Variants in RSPO1 observed in about 807,000 individuals in gnomAD.
RSPO1 encodes the protein R-spondin 1.
RSPO1 carries 18 observed loss-of-function variants against 26.0 expected under a neutral mutation model. That is an observed-to-expected ratio of 0.69 (90% CI 0.48 to 1.03). RSPO1 has a LOEUF of 1.03. Ranked by LOEUF, RSPO1 falls within the 50% of genes least tolerant of loss-of-function variation. RSPO1 has a pLI of 0.00. For synonymous variants in RSPO1, 133 were observed against 137.4 expected, an observed-to-expected ratio of 0.97 and a Z score of 0.22; for missense variants, 309 against 352.3, an observed-to-expected ratio of 0.88 and a Z score of 0.98.
rs113912835 is a variant in RSPO1, at chr1:37,620,067, A to T, written c.95-3392T>A. ...CTTGGCCTATTATGCACATTTTTAT[A>T]GATGAGGGAATGGAAAGGTAAATTA... On this transcript the variant is annotated intron_variant, in intron 3 of 6. Coordinates refer to ENST00000356545, the MANE Select transcript of RSPO1 (RefSeq NM_001242908.2). Among the ~76,000 whole-genome samples, 968 of 152,252 alleles carry T rather than the reference A, an allele frequency of 6.4e-3. 13 individuals carry two copies. Among genetic ancestry groups the T allele is most frequent in the African/African-American group, 0.022 (913 of 41,546 alleles).
chr1:37,617,661 CAAAAAA>C (rs34856591), intron 3 of RSPO1, among the ~76,000 whole-genome samples: 7 of 36,356 alleles, frequency 1.9e-4, no homozygotes, highest in Admixed American at 4.4e-4. Flanking sequence ...GACTCCATCT[CAAAAAA>C]AAAAAAAAAA....
At chr1:37,632,791 C>T (rs536309381) in intron 1 of RSPO1, among the ~76,000 whole-genome samples, 2 of 152,322 alleles carry the variant, frequency 1.3e-5, no homozygotes, top group South Asian at 4.1e-4. Context: ...ACCCCATATG[C>T]GCACACACAG....
At chr1:37,616,812 G>A (rs1644121186) in intron 3 of RSPO1, 137 bp from the exon 4 acceptor site, 2 of 840,430 alleles carry the variant, frequency 2.4e-6, no homozygotes, top group African/African-American at 1.7e-5. Flanking sequence ...CACCGGCCAG[G>A]CTGGCAGCTC....
chr1:37,614,458 A>G (rs1182086570), intron 4 of RSPO1, 125 bp from the exon 5 acceptor site: 13 of 1,049,788 alleles, frequency 1.2e-5, no homozygotes, highest in Non-Finnish European at 1.9e-5. Flanking sequence ...CCTGGCCTAG[A>G]GCTGCAGGTA....
chr1:37,618,338 GCA>G (rs1398882992), intron 3 of RSPO1, among the ~76,000 whole-genome samples: 1 of 152,192 alleles, frequency 6.6e-6, no homozygotes, highest in Non-Finnish European at 1.5e-5. Flanking sequence ...ACTCTCCTGT[GCA>G]CAGTGACTCT....
intron 3 of RSPO1, among the ~76,000 whole-genome samples, chr1:37,622,275 G>T (rs1471472926): frequency 2.0e-5 from 3 of 152,088 alleles, no homozygotes; most frequent in Admixed American, 2.0e-4. Flanking sequence ...TAGTTTTGGT[G>T]GGGTGGTGGG....
chr1:37,619,472 T>G (rs1644167166), intron 3 of RSPO1, among the ~76,000 whole-genome samples: 1 of 152,232 alleles, frequency 6.6e-6, no homozygotes, highest in Non-Finnish European at 1.5e-5. Context: ...GGACAACTGC[T>G]GGAGTGAGTC....
chr1:37,621,613 C>T (rs969106213), intron 3 of RSPO1, among the ~76,000 whole-genome samples: 3 of 151,658 alleles, frequency 2.0e-5, no homozygotes, highest in South Asian at 2.1e-4. Flanking sequence ...GGAGGGGGTT[C>T]GGGTGGGAAA....
chr1:37,630,928 TA>T (rs2148186435), intron 2 of RSPO1, among the ~76,000 whole-genome samples: 1 of 152,228 alleles, frequency 6.6e-6, no homozygotes, highest in South Asian at 2.1e-4. Context: ...CTCCAGTGGC[TA>T]GATGCCTTCG....
Position 37,613,557 on chromosome 1 carries a change from GACAGCATGAGGTCTTGA to G in RSPO1, c.625+130_625+146del. Reference sequence around the variant, plus strand: ...CTGCCAGGACATGGCATCTGGATTGGACAGCATGAGGTCTTGAGTTGCGGGTGCCCCATCTGGCCTTG... The same window carrying G: ...CTGCCAGGACATGGCATCTGGATTGGGTTGCGGGTGCCCCATCTGGCCTTG... On this transcript the variant is annotated intron_variant, in intron 6 of 6. Transcript: ENST00000356545. This position sits in a 1 kb window ranked among gnomAD's most constrained non-coding sequence, Gnocchi z 4.5. 1 of 702,080 alleles carries G rather than the reference GACAGCATGAGGTCTTGA, an allele frequency of 1.4e-6. No homozygotes were observed. The highest frequency in any genetic ancestry group is 2.6e-6 in the Non-Finnish European group (1 of 390,922). 43.5% of individuals were successfully genotyped at this position (702,080 alleles called of 1,614,324 possible). A position where few individuals can be genotyped will look rare whatever the true frequency, so the allele number is the denominator to read the frequency against.
In RSPO1 at chr1:37,612,477, G is replaced by A; in HGVS notation, c.*278C>T. 1.9e-6 allele frequency: 1 copy of A among 532,450 alleles called. No homozygotes were observed. The highest frequency in any genetic ancestry group is 3.2e-5 in the Admixed American group (1 of 31,228). The allele number at this position is 532,450 out of a possible 1,614,324, so 33.0% of individuals were successfully genotyped here. A position where few individuals can be genotyped will look rare whatever the true frequency, so the allele number is the denominator to read the frequency against. On this transcript the variant is annotated 3_prime_UTR_variant, in exon 7 of 7. Coordinates refer to ENST00000356545, the MANE Select transcript of RSPO1 (RefSeq NM_001242908.2). ...TGTGTACTGCTGGGCCCGAGGGATG[G>A]AAGTGTCTTCTGGTGGCCTCAGGTG...
intron 3 of RSPO1, among the ~76,000 whole-genome samples, chr1:37,619,232 C>G (rs910723269): frequency 6.6e-6 from 1 of 152,062 alleles, no homozygotes; most frequent in South Asian, 2.1e-4. Context: ...AAAGACAAAA[C>G]AAAACAAACA....
intron 3 of RSPO1, among the ~76,000 whole-genome samples, chr1:37,621,013 GT>G (rs1449562787): frequency 6.6e-6 from 1 of 152,136 alleles, no homozygotes; most frequent in Non-Finnish European, 1.5e-5. Flanking sequence ...TATCACCTGT[GT>G]TAAGAACAGG....
rs185277562 is a variant in RSPO1, at chr1:37,613,403, C to T, written c.625+301G>A. 4.8e-3 allele frequency among the ~76,000 whole-genome samples: 736 copies of T among 152,352 alleles called. No homozygotes were observed. The highest frequency in any genetic ancestry group is 7.0e-3 in the Non-Finnish European group (476 of 68,038). Reference sequence around the variant, plus strand: ...CTGGGTCTTAGTGCCCCTTTTCACCCACCCATCCTGCCTCCGAGGGGCCTT... The same window carrying T: ...CTGGGTCTTAGTGCCCCTTTTCACCTACCCATCCTGCCTCCGAGGGGCCTT... On this transcript the variant is annotated intron_variant, in intron 6 of 6. Coordinates refer to ENST00000356545, the MANE Select transcript of RSPO1 (RefSeq NM_001242908.2). This position sits in a 1 kb window ranked among gnomAD's most constrained non-coding sequence, Gnocchi z 4.5.
At chr1:37,623,041 A>G (rs543411493) in intron 3 of RSPO1, among the ~76,000 whole-genome samples, 3 of 152,196 alleles carry the variant, frequency 2.0e-5, no homozygotes, top group African/African-American at 7.2e-5. Context: ...CAGGGCTCAG[A>G]TGCTAAAGCT....
Position 37,612,638 on chromosome 1 carries a change from G to T in RSPO1, c.*117C>A. Reference sequence around the variant, plus strand: ...GTGTGTCTTGTGTCTATGTATGCATGGATGGATTGGAGTGTGTGTGTATGC... The same window carrying T: ...GTGTGTCTTGTGTCTATGTATGCATTGATGGATTGGAGTGTGTGTGTATGC... On this transcript the variant is annotated 3_prime_UTR_variant, in exon 7 of 7. Coordinates refer to ENST00000356545, the MANE Select transcript of RSPO1 (RefSeq NM_001242908.2). The T allele has an allele frequency of 9.4e-7, 1 of 1,059,686 alleles. No homozygotes were observed. Among genetic ancestry groups the T allele is most frequent in the Non-Finnish European group, 1.4e-6 (1 of 692,926 alleles). The allele number at this position is 1,059,686 out of a possible 1,614,324, so 65.6% of individuals were successfully genotyped here.
chr1:37,618,940 G>A (rs926193012), intron 3 of RSPO1, among the ~76,000 whole-genome samples: 7 of 152,198 alleles, frequency 4.6e-5, no homozygotes, highest in Admixed American at 3.9e-4. Flanking sequence ...GCCAGGCAGC[G>A]GCCGGGTGCA....
rs750795562 is a variant in RSPO1 at position 37,612,853 on chromosome 1, T to A, written c.694A>T (p.Ser232Cys). The stretch of plus-strand genomic sequence containing the variant: ...CGAGAGCCAGCACCCGCCTCCTTGC[T>A]CTCCTTCCTGGCCAGGTTCCTGTTG... The part of the protein sequence containing the change: ...NANRNLARKE[S>C]KEAGAGSRRR... The change falls in exon 7 of 7, where the codon AGC becomes TGC. Residue 232 changes from serine (S) to cysteine (C), a missense_variant. Physicochemically the swap from Ser to Cys is moderately radical, Grantham distance 112. Transcript: ENST00000356545. 2 of 1,614,014 alleles carry A rather than the reference T, an allele frequency of 1.2e-6. No homozygotes were observed. The highest frequency in any genetic ancestry group is 2.2e-5 in the South Asian group (2 of 91,086).
intron 3 of RSPO1, among the ~76,000 whole-genome samples, chr1:37,617,483 AC>A (rs1231962224): frequency 6.6e-6 from 1 of 151,850 alleles, no homozygotes; most frequent in African/African-American, 2.4e-5. Context: ...ACATGGTGAA[AC>A]CCCGTCTCTA....
Sources: gnomAD v4.1 joint callset for allele counts (sites outside exome capture counted in the v4.1 genomes callset) on GRCh38, gnomAD v4.1.1 for gene constraint, Gnocchi (gnomAD v3.1) non-coding constraint, MANE v1.5 for transcripts, NCBI Gene and HGNC (gene_info 2026-07-23, HGNC 2026-07-21) for gene names.